The following CREB5 variants were observed in gnomAD, a reference collection of about 807,000 sequenced individuals.
CREB5 encodes cyclic AMP-responsive element-binding protein 5.
A neutral mutation model predicts 57.1 loss-of-function variants in CREB5; 19 were observed. The ratio of observed to expected loss-of-function variants is 0.33; its 90% CI spans 0.23 to 0.49. The LOEUF is 0.49. CREB5 is among the 20% of genes least tolerant of loss of function. The pLI is 0.99. For missense variants in CREB5, 579 were observed against 671.6 expected, an observed-to-expected ratio of 0.86 and a Z score of 1.52; for synonymous variants, 238 against 238.3, an observed-to-expected ratio of 1.00 and a Z score of 0.01.
intron 4 of CREB5, among the ~76,000 whole-genome samples, chr7:28,550,852 T>C (rs528563408): frequency 1.1e-3 from 160 of 152,334 alleles, no homozygotes; most frequent in African/African-American, 3.8e-3. Flanking sequence ...CCAGGGGCCG[T>C]TAAGATTTTA....
chr7:28,599,720 A>T (rs1359056202), intron 5 of CREB5, among the ~76,000 whole-genome samples: 1 of 121,368 alleles, frequency 8.2e-6, no homozygotes, highest in Non-Finnish European at 1.7e-5. Context: ...AGGGAGACCC[A>T]GGTGTTTTGT....
At position 28,557,049 on chromosome 7, in the gene CREB5, A is replaced by T. The variant is rs1442053973; in HGVS notation, c.292-13316A>T. Among the ~76,000 whole-genome samples the T allele has an allele frequency of 8.0e-5, 12 of 149,336 alleles. 2 individuals carry two copies. The highest frequency in any genetic ancestry group is 2.1e-4 in the South Asian group (1 of 4,764). Reference sequence around the variant, plus strand: ...GGGATACTAACAGCTCCCTGCTGAAACTGGCCCCAGGGCTTTCCTACAATC... The same window carrying T: ...GGGATACTAACAGCTCCCTGCTGAATCTGGCCCCAGGGCTTTCCTACAATC... On this transcript the variant is annotated intron_variant, in intron 4 of 10. Coordinates refer to ENST00000357727, the MANE Select transcript of CREB5 (RefSeq NM_182898.4).
intron 1 of CREB5, among the ~76,000 whole-genome samples, chr7:28,458,763 C>T (rs1342232681): frequency 6.6e-6 from 1 of 152,166 alleles, no homozygotes; most frequent in Non-Finnish European, 1.5e-5. Context: ...TGATAGTATT[C>T]TTGGAAGAGG....
intron 1 of CREB5, among the ~76,000 whole-genome samples, chr7:28,380,286 C>A (rs1436195744): frequency 6.6e-6 from 1 of 152,148 alleles, no homozygotes; most frequent in Non-Finnish European, 1.5e-5. Context: ...GCAGAAGGTG[C>A]TAGGAATGCT....
chr7:28,496,504 A>G (rs973976043), intron 3 of CREB5, among the ~76,000 whole-genome samples: 1 of 152,178 alleles, frequency 6.6e-6, no homozygotes, highest in Admixed American at 6.5e-5. Flanking sequence ...CAGGGGAGGA[A>G]GGGCACAGGT....
intron 1 of CREB5, among the ~76,000 whole-genome samples, chr7:28,335,564 C>G (rs573499820): frequency 6.6e-6 from 1 of 152,064 alleles, no homozygotes; most frequent in South Asian, 2.1e-4. Context: ...TGCAACTTTA[C>G]TGAATTTGTC....
At chr7:28,525,980 G>A (rs1055628319) in intron 4 of CREB5, among the ~76,000 whole-genome samples, 3 of 152,178 alleles carry the variant, frequency 2.0e-5, no homozygotes, top group African/African-American at 7.2e-5. Context: ...CCCTTCACTG[G>A]ATGTATATCC....
chr7:28,502,142 G>A (rs1792299022), intron 3 of CREB5, among the ~76,000 whole-genome samples: 1 of 152,172 alleles, frequency 6.6e-6, no homozygotes, highest in East Asian at 1.9e-4. Flanking sequence ...TAACATCAGT[G>A]TTACTGAGAG....
At chr7:28,457,517 A>T (rs901452453) in intron 1 of CREB5, among the ~76,000 whole-genome samples, 3 of 152,186 alleles carry the variant, frequency 2.0e-5, no homozygotes, top group East Asian at 3.9e-4. Flanking sequence ...ACTTAAAAAA[A>T]TTTTTTTTGA....
At chr7:28,407,550 T>TTG (rs1163344559), upstream of CREB5, among the ~76,000 whole-genome samples, 16 of 152,102 alleles carry the variant, frequency 1.1e-4, no homozygotes, top group East Asian at 1.5e-3. Context: ...TAGAAATGAT[T>TTG]TGTGTGTGTG....
intron 4 of CREB5, among the ~76,000 whole-genome samples, chr7:28,515,467 C>A (rs369952462): frequency 6.6e-6 from 1 of 152,168 alleles, no homozygotes; most frequent in South Asian, 2.1e-4. Flanking sequence ...AAATATTGGT[C>A]TCTAGCCTCT....
chr7:28,305,732 T>TC (rs1047941752), intron 1 of CREB5, among the ~76,000 whole-genome samples: 3 of 151,752 alleles, frequency 2.0e-5, no homozygotes, highest in African/African-American at 7.3e-5. Context: ...TTTTTTTTTT[T>TC]TAAACTTCAT....
At chr7:28,389,892 G>C (rs546330528) in intron 1 of CREB5, among the ~76,000 whole-genome samples, 3 of 152,150 alleles carry the variant, frequency 2.0e-5, no homozygotes, top group Admixed American at 2.0e-4. Flanking sequence ...ACTCGGCATC[G>C]ATAACACACT....
Position 28,515,883 on chromosome 7 carries a change from AAACT to A in CREB5, c.291+8150_291+8153del, listed in dbSNP as rs572384477. ...ATTGAATGCATTTAAAAAAAAACAA[AAACT>A]AACAGAAATGTTTAAAGTAAAAATA... On this transcript the variant is annotated intron_variant, in intron 4 of 10. Coordinates refer to ENST00000357727, the MANE Select transcript of CREB5 (RefSeq NM_182898.4). Among the ~76,000 whole-genome samples the A allele has an allele frequency of 4.8e-4, 39 of 80,522 alleles. No individual in the cohort carries two copies. In the East Asian group the frequency reaches 7.9e-3, roughly 16 times the overall value. 52.8% of individuals were successfully genotyped at this position (80,522 alleles called of 152,430 possible).
At chr7:28,574,773 C>A (rs1408827719) in intron 5 of CREB5, among the ~76,000 whole-genome samples, 1 of 152,174 alleles carries the variant, frequency 6.6e-6, no homozygotes, top group African/African-American at 2.4e-5. Context: ...AATTGGCCAG[C>A]TGCATCAGGA....
intron 5 of CREB5, among the ~76,000 whole-genome samples, chr7:28,571,069 A>G (rs1795682060): frequency 6.6e-6 from 1 of 152,030 alleles, no homozygotes; most frequent in Admixed American, 6.6e-5. Context: ...TTTCCATCTG[A>G]TAACTGAGAT....
At chr7:28,305,416 G>C in intron 1 of CREB5, among the ~76,000 whole-genome samples, 1 of 152,122 alleles carries the variant, frequency 6.6e-6, no homozygotes, top group East Asian at 1.9e-4. Flanking sequence ...TGTTTCCTTC[G>C]ACATCAGTGT....
intron 5 of CREB5, among the ~76,000 whole-genome samples, chr7:28,607,975 TTCCTG>T (rs1323412530): frequency 6.6e-6 from 1 of 152,030 alleles, no homozygotes; most frequent in African/African-American, 2.4e-5. Context: ...TACATGGTGT[TTCCTG>T]GGTAATGTCA....
At chr7:28,432,857 G>A (rs566094134) in intron 1 of CREB5, among the ~76,000 whole-genome samples, 12 of 152,242 alleles carry the variant, frequency 7.9e-5, no homozygotes, top group Middle Eastern at 3.4e-3. Context: ...GATCACATAT[G>A]GTGATTTTGA....
Sources: allele counts gnomAD v4.1 joint callset (sites outside exome capture counted in the v4.1 genomes callset), GRCh38; gene constraint gnomAD v4.1.1; transcripts MANE v1.5; gene names NCBI Gene and HGNC (gene_info 2026-07-23, HGNC 2026-07-21).